TULP3: variants seen among roughly 807,000 people sequenced by gnomAD.
The protein encoded by TULP3 is tubby-related protein 3.
In TULP3, 38 loss-of-function variants were observed where a neutral mutation model predicts 50.7. The ratio of observed to expected loss-of-function variants is 0.75; its 90% CI spans 0.58 to 0.98. The LOEUF (loss-of-function observed/expected upper bound fraction) is 0.98, where lower values mean the gene tolerates loss of function less well. Ranked by LOEUF, TULP3 falls within the 50% of genes least tolerant of loss-of-function variation. The probability of loss-of-function intolerance (pLI) is 0.00; values close to 1 mark genes in which losing one functional copy is unlikely to be tolerated. For synonymous variants in TULP3, 183 were observed against 196.6 expected, an observed-to-expected ratio of 0.93 and a Z score of 0.58; for missense variants, 550 against 568.0, an observed-to-expected ratio of 0.97 and a Z score of 0.32.
chr12:2,899,342 T>A (rs2098177450), intron 1 of TULP3, among the ~76,000 whole-genome samples: 1 of 54,004 alleles, frequency 1.9e-5, no homozygotes. Context: ...CGAAACGACG[T>A]CTCAAAAAAA....
chr12:2,907,057 G>A (rs984973993), intron 1 of TULP3, among the ~76,000 whole-genome samples: 1 of 151,772 alleles, frequency 6.6e-6, no homozygotes, highest in East Asian at 2.0e-4. Context: ...CTGATACACG[G>A]CCAGGTGCAG....
intron 5 of TULP3, among the ~76,000 whole-genome samples, chr12:2,930,751 C>T (rs572015092): frequency 1.8e-4 from 27 of 152,216 alleles, no homozygotes; most frequent in Non-Finnish European, 3.7e-4. Flanking sequence ...ATTTAAATAC[C>T]ATTACTGAGT....
intron 4 of TULP3, among the ~76,000 whole-genome samples, chr12:2,923,390 C>T (rs1466884705): frequency 1.3e-5 from 2 of 152,078 alleles, no homozygotes; most frequent in East Asian, 1.9e-4. Context: ...CTTAGTGGCT[C>T]ACGCCTATAA....
intron 2 of TULP3, among the ~76,000 whole-genome samples, chr12:2,920,370 A>G (rs10128878): frequency 0.48 from 72,626 of 151,906 alleles, 17,840 homozygotes; most frequent in African/African-American, 0.6. Context: ...ATAGCTGGGC[A>G]TGGTAGCACA....
At chr12:2,918,927 CT>C (rs1239817938) in intron 2 of TULP3, among the ~76,000 whole-genome samples, 1 of 150,284 alleles carries the variant, frequency 6.7e-6, no homozygotes, top group East Asian at 2.0e-4. Flanking sequence ...GAGTCTTGCT[CT>C]GTCACCCAGG....
rs143557520 is a variant in TULP3, at chr12:2,912,894, G to A, written c.93+3314G>A. Among the ~76,000 whole-genome samples, 24 of 152,134 alleles carry A rather than the reference G, an allele frequency of 1.6e-4. No homozygotes were observed. In the East Asian group the frequency reaches 3.1e-3, roughly 20 times the overall value. On this transcript the variant is annotated intron_variant, in intron 2 of 10. Coordinates refer to ENST00000448120, the MANE Select transcript of TULP3 (RefSeq NM_003324.5). ...TATACCTACCCAAGGAAGGAGATTC[G>A]CATGTGCCCAGGACATTCTCCCTGC...
intron 7 of TULP3, among the ~76,000 whole-genome samples, 153 bp from the exon 8 acceptor site, chr12:2,934,294 C>T (rs969258735): frequency 3.1e-4 from 47 of 152,130 alleles, no homozygotes; most frequent in African/African-American, 1.0e-3. Flanking sequence ...TCAGTTCCTT[C>T]CTTGCTTTAA....
At chr12:2,907,661 A>ATTTT (rs199539152) in intron 1 of TULP3, among the ~76,000 whole-genome samples, 83 of 150,650 alleles carry the variant, frequency 5.5e-4, no homozygotes, top group Middle Eastern at 3.5e-3. Flanking sequence ...AAAAAAAAAA[A>ATTTT]TTTTTTATTC....
In TULP3 at chr12:2,940,362, G is replaced by A. The variant is rs1591541022; in HGVS notation, c.*918G>A. ...AAGGTGGCAGGAGAGGCTTTGGGGA[G>A]GATCAGCCAGCAGACATGAGCACTG... On this transcript the variant is annotated 3_prime_UTR_variant, in exon 11 of 11. Transcript: ENST00000448120. 6 of 1,465,008 alleles carry A rather than the reference G, an allele frequency of 4.1e-6. No homozygotes were observed. Among genetic ancestry groups the A allele is most frequent in the Non-Finnish European group, 5.4e-6 (6 of 1,115,964 alleles). The allele number at this position is 1,465,008 out of a possible 1,614,324, so 90.8% of individuals were successfully genotyped here.
At chr12:2,921,732 ATTAC>A (rs2153949623) in intron 3 of TULP3, among the ~76,000 whole-genome samples, 1 of 152,242 alleles carries the variant, frequency 6.6e-6, no homozygotes, top group South Asian at 2.1e-4. Context: ...TGAAGTACAT[ATTAC>A]TTCAGTTACT....
intron 1 of TULP3, among the ~76,000 whole-genome samples, chr12:2,906,548 C>T (rs527405276): frequency 1.3e-4 from 19 of 150,508 alleles, no homozygotes; most frequent in African/African-American, 7.3e-5. Context: ...AGGCTGGTCT[C>T]GAACTTCTGG....
chr12:2,933,018 C>T (rs1264759529), intron 6 of TULP3, among the ~76,000 whole-genome samples: 1 of 151,958 alleles, frequency 6.6e-6, no homozygotes, highest in Non-Finnish European at 1.5e-5. Context: ...TCTCGGCTCA[C>T]TGCAAGCTCC....
intron 4 of TULP3, among the ~76,000 whole-genome samples, chr12:2,924,844 C>T (rs1343112727): frequency 6.6e-6 from 1 of 151,308 alleles, no homozygotes; most frequent in Non-Finnish European, 1.5e-5. Flanking sequence ...TAGAGTGAGA[C>T]CCTGTCTCAA....
Position 2,931,151 on chromosome 12 carries a change from A to T in TULP3, c.607A>T (p.Arg203Ter). 6.2e-7 allele frequency: 1 copy of T among 1,614,218 alleles called. No individual in the cohort carries two copies. Among genetic ancestry groups the T allele is most frequent in the Non-Finnish European group, 8.5e-7 (1 of 1,180,040 alleles). The change falls in exon 6 of 11, where the codon AGA becomes TGA. Residue 203 changes from arginine (R) to a stop codon, truncating the protein, a stop_gained. Transcript: ENST00000448120. LOFTEE classifies it high-confidence loss of function. ...YSPAPQGVTV[R>*]CRIIRDKRGM... ...TCCTGCCCCTCAAGGTGTCACAGTA[A>T]GATGTCGGATAATCCGGGATAAAAG...
At chr12:2,937,341 C>T (rs999080190) in intron 8 of TULP3, among the ~76,000 whole-genome samples, 3 of 149,512 alleles carry the variant, frequency 2.0e-5, no homozygotes, top group South Asian at 2.1e-4. Context: ...CTCAGCCTCC[C>T]GAGTAGCTGG....
Position 2,939,313 on chromosome 12 carries a change from G to A in TULP3, c.1198G>A (p.Asp400Asn), listed in dbSNP as rs754233335. 3 of 1,613,864 alleles carry A rather than the reference G, an allele frequency of 1.9e-6. No homozygotes were observed. In the South Asian group the frequency reaches 3.3e-5, roughly 18 times the overall value. ...TGTTGATTTCTTTCTGTTTCTAGCT[G>A]ATTATATAGTCATGCAGTTTGGACG... Reference protein sequence around the residue: ...NFQIVHKNDPDYIVMQFGRVA... With the variant: ...NFQIVHKNDPNYIVMQFGRVA... Residue 400 changes from aspartate (D) to asparagine (N), a missense_variant and splice_region_variant, in exon 11 of 11, where the codon GAT becomes AAT. Physicochemically the swap from Asp to Asn is conservative, Grantham distance 23. Transcript: ENST00000448120. This position sits in a 1 kb window ranked among gnomAD's most constrained non-coding sequence, Gnocchi z 4.0.
rs56027951 is a variant in TULP3, at chr12:2,911,664, C to CTT, written c.93+2126_93+2127dup. 6.0e-3 allele frequency among the ~76,000 whole-genome samples: 228 copies of CTT among 38,162 alleles called. 56 individuals carry two copies. Among genetic ancestry groups the CTT allele is most frequent in the Non-Finnish European group, 7.4e-3 (144 of 19,586 alleles). 25.0% of individuals were successfully genotyped at this position (38,162 alleles called of 152,430 possible). A position where few individuals can be genotyped will look rare whatever the true frequency, so the allele number is the denominator to read the frequency against. ...ACAGGCGTGAGCCACTGCGCCCAGC[C>CTT]TTTTTTTTTTTTTTTTTTTTTTTTT... On this transcript the variant is annotated intron_variant, in intron 2 of 10. Transcript: ENST00000448120.
intron 2 of TULP3, among the ~76,000 whole-genome samples, chr12:2,918,247 G>C (rs964885318): frequency 1.3e-5 from 2 of 151,732 alleles, no homozygotes. Flanking sequence ...CCAAGTAGCC[G>C]GGATTACAGG....
At chr12:2,937,536 C>T in intron 8 of TULP3, 95 bp from the exon 9 acceptor site, 1 of 895,712 alleles carries the variant, frequency 1.1e-6, no homozygotes, top group South Asian at 1.4e-5. Flanking sequence ...ATATTGTCAG[C>T]ATCTTACATT....
Sources: gnomAD v4.1 joint callset for allele counts (sites outside exome capture counted in the v4.1 genomes callset) on GRCh38, gnomAD v4.1.1 for gene constraint, Gnocchi (gnomAD v3.1) non-coding constraint, MANE v1.5 for transcripts, NCBI Gene and HGNC (gene_info 2026-07-23, HGNC 2026-07-21) for gene names.